KRT86: variants seen among roughly 807,000 people sequenced by gnomAD.
KRT86 encodes keratin 86.
KRT86 carries 30 observed loss-of-function variants against 41.2 expected under a neutral mutation model. That is an observed-to-expected ratio of 0.73 (90% CI 0.54 to 0.99). KRT86 has a LOEUF of 0.99. KRT86 is among the 50% of genes least tolerant of loss of function. The probability of loss-of-function intolerance (pLI) is 0.00; values close to 1 mark genes in which losing one functional copy is unlikely to be tolerated. For missense variants in KRT86, 561 were observed against 571.4 expected (o/e 0.98, Z 0.19); for synonymous variants, 238 against 238.1 (o/e 1.00, Z 0.00).
chr12:52,287,734 G>C (rs776084318), intron 2 of KRT86: 1 of 1,614,054 alleles, frequency 6.2e-7, no homozygotes, highest in Non-Finnish European at 8.5e-7. Flanking sequence ...GGGGGAAGTA[G>C]AGATGCTCAT....
chr12:52,281,896 G>A (rs11170069), intron 2 of KRT86, among the ~76,000 whole-genome samples: 8,515 of 151,892 alleles, frequency 0.056, 421 homozygotes, highest in African/African-American at 0.13. Context: ...ATGCCTCCAC[G>A]CTCTGCTAAT....
intron 2 of KRT86, chr12:52,277,405 C>T (rs1937658292): frequency 6.6e-6 from 1 of 152,202 alleles, no homozygotes; most frequent in Admixed American, 6.5e-5. Flanking sequence ...AATCTCCAAT[C>T]CCTCATTGGC....
intron 5 of KRT86, 39 bp from the exon 6 acceptor site, chr12:52,304,893 A>C: frequency 6.2e-7 from 1 of 1,604,398 alleles, no homozygotes; most frequent in East Asian, 2.2e-5. Context: ...AGGCTGGATC[A>C]CCAGGGTCCT....
intron 2 of KRT86, chr12:52,286,747 C>A: frequency 6.3e-7 from 1 of 1,596,216 alleles, no homozygotes; most frequent in Non-Finnish European, 8.6e-7. Flanking sequence ...CCCTCCATCA[C>A]AGGTAGTTAG....
chr12:52,306,140 C>T lies in KRT86; in HGVS notation c.1107C>T (p.Ala369=), dbSNP rs376051219. ...AALSDARCKL[A]ELEGALQKAK... ...TCAGCGATGCCCGCTGCAAGTTGGC[C>T]GAGCTGGAGGGTGCCCTGCAGAAGG... Residue 369 remains alanine, a synonymous_variant, in exon 9 of 11, where the codon GCC becomes GCT. Coordinates refer to ENST00000423955, the MANE Select transcript of KRT86 (RefSeq NM_001320198.2). 60 of 1,613,842 alleles carry T rather than the reference C, an allele frequency of 3.7e-5. No individual in the cohort carries two copies. In the Middle Eastern group the frequency reaches 2.5e-3, roughly 68 times the overall value.
chr12:52,286,091 C>T, intron 2 of KRT86: 1 of 688,448 alleles, frequency 1.5e-6, no homozygotes, highest in South Asian at 1.8e-5. Flanking sequence ...GTGGCAGAGC[C>T]CAGAAGTGGG....
intron 2 of KRT86, chr12:52,286,186 C>T: frequency 2.3e-6 from 3 of 1,323,338 alleles, no homozygotes; most frequent in South Asian, 2.5e-5. Flanking sequence ...CTCCAGGCGC[C>T]TGGACTGGAT....
chr12:52,284,892 G>A (rs1011781910), intron 2 of KRT86, among the ~76,000 whole-genome samples: 2 of 152,162 alleles, frequency 1.3e-5, no homozygotes, highest in Admixed American at 6.5e-5. Context: ...ATGCATGAAG[G>A]AGCTGAATGG....
chr12:52,288,709 T>C (rs1306027427), intron 2 of KRT86, among the ~76,000 whole-genome samples: 3 of 151,844 alleles, frequency 2.0e-5, no homozygotes, highest in Non-Finnish European at 2.9e-5. Flanking sequence ...CCTTCTCTCA[T>C]CTCCTGCTCC....
rs746715296 is a variant in KRT86, at chr12:52,301,896, C to G, written c.-4-17C>G. On this transcript the variant is annotated splice_polypyrimidine_tract_variant and intron_variant, in intron 2 of 10. Coordinates refer to ENST00000423955, the MANE Select transcript of KRT86 (RefSeq NM_001320198.2). The stretch of plus-strand genomic sequence containing the variant: ...CGGACGTCTCCATCCTCAGAACCTC[C>G]TCTCTTCCCCAAAAAGCACCATGAC... 1 of 1,613,860 alleles carries G rather than the reference C, an allele frequency of 6.2e-7. No homozygotes were observed. The highest frequency in any genetic ancestry group is 8.5e-7 in the Non-Finnish European group (1 of 1,179,762).
chr12:52,288,155 G>A (rs925019171), intron 2 of KRT86: 1 of 1,614,046 alleles, frequency 6.2e-7, no homozygotes, highest in Non-Finnish European at 8.5e-7. Flanking sequence ...TCTCCTGCAG[G>A]AGGTGAGGGC....
At chr12:52,307,775 C>A (rs540179782) in intron 9 of KRT86, among the ~76,000 whole-genome samples, 58 of 152,316 alleles carry the variant, frequency 3.8e-4, no homozygotes, top group African/African-American at 1.3e-3. Flanking sequence ...CCTCCTGATG[C>A]CTATAATCTA....
intron 2 of KRT86, chr12:52,286,064 G>A (rs1484068075): frequency 1.6e-6 from 1 of 620,556 alleles, no homozygotes; most frequent in Non-Finnish European, 2.9e-6. Flanking sequence ...TTCTAGGGTG[G>A]CCTTTCCCAC....
intron 2 of KRT86, chr12:52,288,553 A>G: frequency 1.4e-6 from 2 of 1,417,420 alleles, no homozygotes; most frequent in Non-Finnish European, 2.0e-6. Context: ...AGGGGAAAGC[A>G]GTCCCTGGTG....
intron 2 of KRT86, among the ~76,000 whole-genome samples, chr12:52,292,193 C>G (rs1227855748): frequency 6.6e-6 from 1 of 152,034 alleles, no homozygotes; most frequent in Non-Finnish European, 1.5e-5. Context: ...ACCTGTTTAC[C>G]CCGATTCAAC....
intron 2 of KRT86, among the ~76,000 whole-genome samples, chr12:52,285,523 T>G (rs540798558): frequency 6.6e-6 from 1 of 152,340 alleles, no homozygotes; most frequent in African/African-American, 2.4e-5. Context: ...TTGGTGAATC[T>G]GATTTTCATG....
intron 3 of KRT86, among the ~76,000 whole-genome samples, chr12:52,302,845 G>GGGT (rs1555187711): frequency 7.2e-6 from 1 of 139,388 alleles, no homozygotes; most frequent in Non-Finnish European, 1.5e-5. Flanking sequence ...GGGGGGTGGG[G>GGGT]GGGGGGTCAC....
At position 52,279,308 on chromosome 12, in the gene KRT86, C is replaced by T. The variant is rs533968856; in HGVS notation, c.-5+3362C>T. ...TTAGCCCTCTTGTGTCAGATGCCCC[C>T]TCCCATAGAGCTGACCCCACATCAT... On this transcript the variant is annotated intron_variant, in intron 2 of 10. Transcript: ENST00000423955. Among the ~76,000 whole-genome samples, 9 of 152,378 alleles carry T rather than the reference C, an allele frequency of 5.9e-5. No homozygotes were observed. The South Asian group carries it at 1.2e-3, about 21-fold the overall frequency.
At chr12:52,286,687 G>A (rs1172327457) in intron 2 of KRT86, 2 of 1,331,712 alleles carry the variant, frequency 1.5e-6, no homozygotes, top group Non-Finnish European at 2.1e-6. Context: ...TGTGATGCCA[G>A]CCCACTCTTT....
Sources: allele counts gnomAD v4.1 joint callset (sites outside exome capture counted in the v4.1 genomes callset), GRCh38; gene constraint gnomAD v4.1.1; transcripts MANE v1.5; gene names NCBI Gene and HGNC (gene_info 2026-07-23, HGNC 2026-07-21).